LRRIQ1: variants seen among roughly 807,000 people sequenced by gnomAD.
LRRIQ1 encodes leucine rich repeats and IQ motif containing 1, also known as leucine-rich repeat- and IQ domain-containing protein 1.
In LRRIQ1, 210 loss-of-function variants were observed where a neutral mutation model predicts 211.9. That is an observed-to-expected ratio of 0.99 (90% CI 0.89 to 1.11). LRRIQ1 has a LOEUF of 1.11. Among genes scored for constraint, LRRIQ1 ranks in the 50% most tolerant of loss-of-function variants. The pLI, the probability that LRRIQ1 is intolerant of heterozygous loss-of-function variation, is 0.00. For missense variants in LRRIQ1, 2,136 were observed against 1,939.5 expected, an observed-to-expected ratio of 1.10 and a Z score of -1.90; for synonymous variants, 699 against 650.1, an observed-to-expected ratio of 1.08 and a Z score of -1.14.
chr12:85,134,197 G>A (rs905186721), intron 18 of LRRIQ1, among the ~76,000 whole-genome samples: 13 of 152,070 alleles, frequency 8.5e-5, no homozygotes, highest in African/African-American at 2.7e-4. Flanking sequence ...ATAACATTCC[G>A]GCTATTAATT....
intron 6 of LRRIQ1, chr12:85,048,250 T>C (rs1565785115): frequency 6.6e-6 from 1 of 152,240 alleles, no homozygotes; most frequent in Non-Finnish European, 1.5e-5. Flanking sequence ...TTTCATTTCT[T>C]GACTGTGTAG....
downstream of LRRIQ1, among the ~76,000 whole-genome samples, chr12:85,267,404 GA>G (rs1463678204): frequency 3.3e-5 from 5 of 151,662 alleles, no homozygotes; most frequent in East Asian, 7.8e-4. Context: ...ATGTCTTAAA[GA>G]AACAAAGATG....
intron 1 of LRRIQ1, among the ~76,000 whole-genome samples, chr12:85,256,518 G>T (rs1593031534): frequency 6.6e-6 from 1 of 151,550 alleles, no homozygotes; most frequent in Non-Finnish European, 1.5e-5. Flanking sequence ...TATGTTTATT[G>T]TTGCCAAATG....
chr12:85,140,519 A>G (rs1307931430), intron 19 of LRRIQ1, among the ~76,000 whole-genome samples: 1 of 151,374 alleles, frequency 6.6e-6, no homozygotes, highest in Non-Finnish European at 1.5e-5. Flanking sequence ...TATACTGTAT[A>G]CACAATCATA....
intron 24 of LRRIQ1, among the ~76,000 whole-genome samples, chr12:85,218,242 C>T (rs370499115): frequency 6.6e-6 from 1 of 151,664 alleles, no homozygotes; most frequent in Admixed American, 6.6e-5. Flanking sequence ...GGACTTACCC[C>T]CTAGACAATT....
intron 1 of LRRIQ1, among the ~76,000 whole-genome samples, chr12:85,259,340 T>G (rs1896218363): frequency 6.6e-6 from 1 of 152,104 alleles, no homozygotes. Flanking sequence ...ATGGGTAATT[T>G]TAGTATGATT....
chr12:85,050,661 G>C (rs1880195311), intron 6 of LRRIQ1, among the ~76,000 whole-genome samples: 1 of 152,112 alleles, frequency 6.6e-6, no homozygotes, highest in African/African-American at 2.4e-5. Flanking sequence ...CTGCCTGAGG[G>C]TCTAACTTGG....
At chr12:85,098,819 A>G in intron 12 of LRRIQ1, 48 bp from the exon 13 acceptor site, 5 of 1,361,342 alleles carry the variant, frequency 3.7e-6, no homozygotes, top group Middle Eastern at 2.0e-4. Flanking sequence ...GGGCTAAATG[A>G]TAAAATATTT....
chr12:85,226,443 A>G (rs1317178352), intron 24 of LRRIQ1, among the ~76,000 whole-genome samples: 1 of 151,942 alleles, frequency 6.6e-6, no homozygotes, highest in African/African-American at 2.4e-5. Flanking sequence ...GCTAGAAAGG[A>G]GACCCAATGC....
intron 11 of LRRIQ1, among the ~76,000 whole-genome samples, chr12:85,098,055 C>A (rs1170613321): frequency 6.6e-6 from 1 of 152,036 alleles, no homozygotes; most frequent in East Asian, 1.9e-4. Context: ...TATATCTCTC[C>A]CTTGTTTTGT....
chr12:85,064,557 GC>G (rs1346172114), intron 8 of LRRIQ1, among the ~76,000 whole-genome samples: 2 of 151,666 alleles, frequency 1.3e-5, no homozygotes, highest in Non-Finnish European at 2.9e-5. Context: ...TGCCTTGGTT[GC>G]CTGTGTTTGT....
At chr12:85,131,066 AT>A (rs1247117589) in intron 18 of LRRIQ1, among the ~76,000 whole-genome samples, 64 of 144,116 alleles carry the variant, frequency 4.4e-4, no homozygotes, top group African/African-American at 1.4e-3. Context: ...AAAAAAAAAA[AT>A]TAGCCAGGCA....
At position 85,073,845 on chromosome 12, in the gene LRRIQ1, A is replaced by G. The variant is rs909646513; in HGVS notation, c.2887+747A>G. Among the ~76,000 whole-genome samples the G allele has an allele frequency of 2.0e-5, 3 of 152,048 alleles. No individual in the cohort carries two copies. The East Asian group carries it at 5.8e-4, about 29-fold the overall frequency. On this transcript the variant is annotated intron_variant, in intron 11 of 26. Transcript: ENST00000393217. Reference sequence around the variant, plus strand: ...AGGAAATGCTTAGAGATTCTGGTTGAGCTAAGTGAAAAGCATAGATTTTGT... The same window carrying G: ...AGGAAATGCTTAGAGATTCTGGTTGGGCTAAGTGAAAAGCATAGATTTTGT...
chr12:85,247,547 T>C (rs1490574373), downstream of LRRIQ1, among the ~76,000 whole-genome samples: 2 of 151,580 alleles, frequency 1.3e-5, no homozygotes, highest in East Asian at 3.9e-4. Flanking sequence ...CTTAGGTAAA[T>C]TGTTTAACCT....
At position 85,061,777 on chromosome 12, in the gene LRRIQ1, G is replaced by C. The variant is rs909447343; in HGVS notation, c.2392-3485G>C. ...CAGATTAACTAGGCAGTATATAGAA[G>C]TTATCTCCCTACAAATTGATGAGTA... On this transcript the variant is annotated intron_variant, in intron 8 of 26. Transcript: ENST00000393217. Among the ~76,000 whole-genome samples, 200 of 151,714 alleles carry C rather than the reference G, an allele frequency of 1.3e-3. 1 individual carries two copies. The highest frequency in any genetic ancestry group is 4.6e-3 in the African/African-American group (192 of 41,452).
chr12:85,151,099 C>A (rs1237222669), intron 19 of LRRIQ1, among the ~76,000 whole-genome samples: 2 of 151,252 alleles, frequency 1.3e-5, no homozygotes, highest in East Asian at 3.9e-4. Context: ...AGCAATTCTT[C>A]AACCAAATAT....
At chr12:85,107,639 C>T (rs1050997670) in intron 15 of LRRIQ1, among the ~76,000 whole-genome samples, 13 of 151,732 alleles carry the variant, frequency 8.6e-5, no homozygotes, top group Non-Finnish European at 5.9e-5. Context: ...CCTATTCTGC[C>T]CTAGTAGCAC....
At chr12:85,193,832 T>G (rs1287756210) in intron 24 of LRRIQ1, among the ~76,000 whole-genome samples, 2 of 144,844 alleles carry the variant, frequency 1.4e-5, no homozygotes, top group Non-Finnish European at 3.1e-5. Flanking sequence ...ATATTAACTT[T>G]AAATGTAAAT....
intron 14 of LRRIQ1, 57 bp from the exon 15 acceptor site, chr12:85,106,465 A>AC: frequency 8.2e-7 from 1 of 1,223,482 alleles, no homozygotes; most frequent in African/African-American, 1.5e-5. Flanking sequence ...TCATAGATTT[A>AC]TGATATTTGT....
Sources: allele counts gnomAD v4.1 joint callset (sites outside exome capture counted in the v4.1 genomes callset), GRCh38; gene constraint gnomAD v4.1.1; transcripts MANE v1.5; gene names NCBI Gene and HGNC (gene_info 2026-07-23, HGNC 2026-07-21).